Variants in NKAIN3 observed in about 807,000 individuals in gnomAD.
NKAIN3 encodes sodium/potassium transporting ATPase interacting 3.
Under a neutral mutation model 30.2 loss-of-function variants are expected in NKAIN3, and 25 were observed. That is an observed-to-expected ratio of 0.83 (90% CI 0.60 to 1.16). The LOEUF is 1.16. NKAIN3 is among the 50% of genes most tolerant of loss of function. The probability of loss-of-function intolerance (pLI) is 0.00; values close to 1 mark genes in which losing one functional copy is unlikely to be tolerated. For missense variants in NKAIN3, 225 were observed against 254.1 expected (o/e 0.89, Z 0.78); for synonymous variants, 91 against 89.6 (o/e 1.02, Z -0.09).
At chr8:62,740,814 TAATGA>T (rs973056023) in intron 3 of NKAIN3, among the ~76,000 whole-genome samples, 3 of 152,090 alleles carry the variant, frequency 2.0e-5, no homozygotes, top group Non-Finnish European at 2.9e-5. Context: ...GAATTCACAC[TAATGA>T]AATGAAAGAG....
intron 1 of NKAIN3, among the ~76,000 whole-genome samples, chr8:62,472,736 T>C (rs562676436): frequency 6.6e-6 from 1 of 152,160 alleles, no homozygotes; most frequent in Non-Finnish European, 1.5e-5. Flanking sequence ...AAGGAACATA[T>C]TAGATTATGC....
intron 1 of NKAIN3, among the ~76,000 whole-genome samples, chr8:62,425,295 T>C (rs146384360): frequency 3.9e-5 from 6 of 152,022 alleles, no homozygotes; most frequent in African/African-American, 9.6e-5. Flanking sequence ...TATCACAATT[T>C]TAAAACAAGG....
chr8:62,517,363 G>A (rs1808023068), intron 1 of NKAIN3, among the ~76,000 whole-genome samples: 1 of 151,892 alleles, frequency 6.6e-6, no homozygotes, highest in South Asian at 2.1e-4. Context: ...GTGGGTATAG[G>A]TAACTCTCTA....
intron 4 of NKAIN3, among the ~76,000 whole-genome samples, chr8:62,911,863 T>C (rs778430524): frequency 1.3e-5 from 2 of 152,180 alleles, no homozygotes; most frequent in Non-Finnish European, 1.5e-5. Flanking sequence ...TTGCAGCTTC[T>C]TTTTCTATTT....
chr8:62,346,327 A>T, intron 1 of NKAIN3, among the ~76,000 whole-genome samples: 1 of 152,116 alleles, frequency 6.6e-6, no homozygotes, highest in East Asian at 1.9e-4. Flanking sequence ...ATCACACTGT[A>T]ACCTATAAAT....
chr8:62,469,592 C>A lies in NKAIN3; in HGVS notation c.55-109947C>A, dbSNP rs142246524. ...AGATTGGGCCCTTCCCCTTTCATCT[C>A]CCCTTACTATTTTTATGACTTTATT... is the stretch of plus-strand genomic sequence containing the variant. On this transcript the variant is annotated intron_variant, in intron 1 of 6. Coordinates refer to ENST00000623646, the MANE Select transcript of NKAIN3 (RefSeq NM_001304533.3). Among the ~76,000 whole-genome samples, 16 of 152,208 alleles carry A rather than the reference C, an allele frequency of 1.1e-4. No individual in the cohort carries two copies. In the East Asian group the frequency reaches 2.1e-3, roughly 20 times the overall value.
chr8:62,526,750 C>T (rs1471512666), intron 1 of NKAIN3, among the ~76,000 whole-genome samples: 2 of 152,084 alleles, frequency 1.3e-5, no homozygotes, highest in Admixed American at 6.6e-5. Flanking sequence ...TCAGCCCTTC[C>T]TACGGATACT....
rs1824139433 is a variant in NKAIN3, at chr8:62,983,683, G to T, written c.*18276G>T. ...CATTCATCTGAGTAGTTAGGGCTCT[G>T]GATGAAGGAGCAAATGGACAAAATA... On this transcript the variant is annotated 3_prime_UTR_variant, in exon 7 of 7. Coordinates refer to ENST00000623646, the MANE Select transcript of NKAIN3 (RefSeq NM_001304533.3). 1 of 152,154 alleles carries T rather than the reference G, an allele frequency of 6.6e-6. No homozygotes were observed. The highest frequency in any genetic ancestry group is 2.4e-5 in the African/African-American group (1 of 41,426). The allele number at this position is 152,154 out of a possible 1,614,324, so 9.4% of individuals were successfully genotyped here. A position where few individuals can be genotyped will look rare whatever the true frequency, so the allele number is the denominator to read the frequency against.
intron 5 of NKAIN3, among the ~76,000 whole-genome samples, chr8:62,933,796 G>T (rs1459577404): frequency 6.6e-6 from 1 of 152,152 alleles, no homozygotes. Flanking sequence ...GTGTTTTCAA[G>T]AATTTTTTCC....
intron 3 of NKAIN3, among the ~76,000 whole-genome samples, chr8:62,609,572 G>C (rs909721985): frequency 6.6e-6 from 1 of 152,078 alleles, no homozygotes; most frequent in Admixed American, 6.6e-5. Flanking sequence ...CTCTCAAAGA[G>C]CTTTTATTCT....
At chr8:62,626,489 C>G (rs1364906480) in intron 3 of NKAIN3, among the ~76,000 whole-genome samples, 1 of 151,996 alleles carries the variant, frequency 6.6e-6, no homozygotes, top group Admixed American at 6.6e-5. Context: ...GAAATTTATT[C>G]CAGAAGTCCT....
Position 62,495,691 on chromosome 8 carries a change from C to T in NKAIN3, c.55-83848C>T, listed in dbSNP as rs1807217080. On this transcript the variant is annotated intron_variant, in intron 1 of 6. Coordinates refer to ENST00000623646, the MANE Select transcript of NKAIN3 (RefSeq NM_001304533.3). Reference sequence around the variant, plus strand: ...TGATTGAAAAGCATAGATTTTTAAACTATCATTTACTGACTTATCTCAGTC... The same window carrying T: ...TGATTGAAAAGCATAGATTTTTAAATTATCATTTACTGACTTATCTCAGTC... 2.0e-5 allele frequency among the ~76,000 whole-genome samples: 3 copies of T among 152,086 alleles called. No individual in the cohort carries two copies. In the South Asian group the frequency reaches 6.2e-4, roughly 32 times the overall value.
At chr8:62,290,322 GT>G (rs1475433328) in intron 1 of NKAIN3, among the ~76,000 whole-genome samples, 1 of 152,120 alleles carries the variant, frequency 6.6e-6, no homozygotes, top group Non-Finnish European at 1.5e-5. Flanking sequence ...TCTTGTGCCA[GT>G]TTTCAAAGGG....
chr8:62,279,338 T>C (rs1813088814), intron 1 of NKAIN3, among the ~76,000 whole-genome samples: 1 of 152,210 alleles, frequency 6.6e-6, no homozygotes, highest in African/African-American at 2.4e-5. Context: ...TTCACTCTGA[T>C]GGTAGTTTCT....
intron 1 of NKAIN3, among the ~76,000 whole-genome samples, chr8:62,345,342 TAC>T (rs200384688): frequency 2.4e-3 from 31 of 12,984 alleles, no homozygotes; most frequent in Admixed American, 7.9e-3. Flanking sequence ...TATGTATATA[TAC>T]ACACATATAC....
chr8:62,854,873 C>T (rs956123997), intron 4 of NKAIN3, among the ~76,000 whole-genome samples: 13 of 152,116 alleles, frequency 8.5e-5, no homozygotes. Flanking sequence ...CCTTCATACG[C>T]TCCTGTAAGG....
intron 1 of NKAIN3, among the ~76,000 whole-genome samples, chr8:62,530,552 C>G (rs182751455): frequency 2.6e-5 from 4 of 152,252 alleles, no homozygotes; most frequent in Non-Finnish European, 5.9e-5. Flanking sequence ...GAGGTAAGAA[C>G]AGGTTGACAA....
At chr8:62,445,618 G>A (rs1225710002) in intron 1 of NKAIN3, among the ~76,000 whole-genome samples, 3 of 152,160 alleles carry the variant, frequency 2.0e-5, no homozygotes, top group African/African-American at 7.2e-5. Context: ...GACATCAAAG[G>A]AATGAAGCAC....
intron 4 of NKAIN3, chr8:62,864,285 T>C: frequency 8.0e-7 from 1 of 1,244,396 alleles, no homozygotes; most frequent in Non-Finnish European, 1.2e-6. Context: ...ATGCTGAAGC[T>C]GAGGACCAGG....
Sources: allele counts gnomAD v4.1 joint callset (sites outside exome capture counted in the v4.1 genomes callset), GRCh38; gene constraint gnomAD v4.1.1; transcripts MANE v1.5; gene names NCBI Gene and HGNC (gene_info 2026-07-23, HGNC 2026-07-21).